Variants in SMAP2 observed in about 807,000 individuals in gnomAD.
SMAP2 encodes the protein small ArfGAP2, also known as stromal membrane-associated protein 2.
SMAP2 carries 25 observed loss-of-function variants against 56.4 expected under a neutral mutation model. That is an observed-to-expected ratio of 0.44 (90% CI 0.32 to 0.62). The LOEUF (loss-of-function observed/expected upper bound fraction) is 0.62. SMAP2 is among the 20% of genes least tolerant of loss of function. The pLI is 0.04. For synonymous variants in SMAP2, 157 were observed against 181.7 expected (o/e 0.86, Z 1.09); for missense variants, 388 against 545.6 (o/e 0.71, Z 2.88).
intron 1 of SMAP2, among the ~76,000 whole-genome samples, chr1:40,403,464 C>T (rs951506559): frequency 1.3e-5 from 2 of 152,016 alleles, no homozygotes; most frequent in African/African-American, 2.4e-5. Flanking sequence ...AAAATCACGC[C>T]GCTGCACTCC....
intron 1 of SMAP2, among the ~76,000 whole-genome samples, chr1:40,398,533 A>G (rs1307753021): frequency 3.3e-5 from 5 of 152,400 alleles, no homozygotes; most frequent in South Asian, 2.1e-4. Context: ...TGGTGATACC[A>G]TAATTCCTTA....
At chr1:40,399,701 CAAAA>C (rs35452622) in intron 1 of SMAP2, among the ~76,000 whole-genome samples, 1 of 116,454 alleles carries the variant, frequency 8.6e-6, no homozygotes. Flanking sequence ...GACCCTGTCT[CAAAA>C]AAAAAAAAAG....
rs1364539159 is a variant in SMAP2 at position 40,364,056 on chromosome 1, G to A, written c.55+1620G>A. On this transcript the variant is annotated intron_variant, in intron 2 of 6. Coordinates refer to the SMAP2 transcript ENST00000435168. ...CAGGTCATTCTATGAGTGTTATCTG[G>A]TATAGGTAAAGTGACTGGCCAGTGA... Among the ~76,000 whole-genome samples, 2 of 152,268 alleles carry A rather than the reference G, an allele frequency of 1.3e-5. 1 individual carries two copies. Among genetic ancestry groups the A allele is most frequent in the African/African-American group, 4.8e-5 (2 of 41,564 alleles).
chr1:40,407,483 C>G (rs1429061941), intron 2 of SMAP2, among the ~76,000 whole-genome samples: 15 of 151,900 alleles, frequency 9.9e-5, no homozygotes, highest in Admixed American at 9.8e-4. Flanking sequence ...GAGTGAGACC[C>G]TGTCTCAAAA....
Position 40,374,113 on chromosome 1 carries a change from C to T in SMAP2, c.-8C>T. On this transcript the variant is annotated 5_prime_UTR_variant, in exon 1 of 10. Transcript: ENST00000372718. The surrounding 1 kb of genome is among the most constrained non-coding windows in gnomAD (Gnocchi z 5.9). ...GCGTCGCCCTCTGCCCCCGCCGGCA[C>T]CCTGGCCATGACAGGCAAGTCGGTG... 6.2e-7 allele frequency: 1 copy of T among 1,609,288 alleles called. No homozygotes were observed. The highest frequency in any genetic ancestry group is 8.5e-7 in the Non-Finnish European group (1 of 1,177,650).
At chr1:40,412,663 G>C (rs953630613) in intron 4 of SMAP2, among the ~76,000 whole-genome samples, 2 of 152,160 alleles carry the variant, frequency 1.3e-5, no homozygotes, top group African/African-American at 4.8e-5. Flanking sequence ...ACTGATATGA[G>C]GGGAGACCTC....
chr1:40,360,884 T>G lies in SMAP2; in HGVS notation c.-82-1416T>G, dbSNP rs191320414. ...GTCTCACCACCCCAGGCCAAAGTGC[T>G]CTGGAGTTCTAAGTAAACTTCAAAG... On this transcript the variant is annotated intron_variant, in intron 1 of 6. Coordinates refer to the SMAP2 transcript ENST00000435168. Among the ~76,000 whole-genome samples the G allele has an allele frequency of 7.9e-4, 120 of 152,318 alleles. 1 individual carries two copies. In the East Asian group the frequency reaches 0.017, roughly 21 times the overall value.
chr1:40,347,588 C>T (rs1473069122), intron 1 of SMAP2, among the ~76,000 whole-genome samples: 9 of 151,576 alleles, frequency 5.9e-5, no homozygotes, highest in Non-Finnish European at 1.0e-4. Flanking sequence ...CTGCAACCTC[C>T]ACCTCCCAGG....
chr1:40,345,226 A>G (rs10889290), intron 1 of SMAP2, among the ~76,000 whole-genome samples: 129,471 of 151,784 alleles, frequency 0.85, 55,701 homozygotes, highest in African/African-American at 0.96. Context: ...CAACATAGCA[A>G]GCTCCATCTC....
At chr1:40,414,138 T>C (rs1294362250) in intron 5 of SMAP2, 21 bp from the exon 6 acceptor site, 1 of 1,612,520 alleles carries the variant, frequency 6.2e-7, no homozygotes, top group Non-Finnish European at 8.5e-7. Context: ...TATTTCTTGC[T>C]ATAACATATT....
chr1:40,384,926 G>C (rs1015416087), intron 1 of SMAP2, among the ~76,000 whole-genome samples: 1 of 152,132 alleles, frequency 6.6e-6, no homozygotes, highest in African/African-American at 2.4e-5. Context: ...TTTCACTGCT[G>C]TGTTTGACTA....
At chr1:40,363,563 A>C (rs191090009) in intron 2 of SMAP2, among the ~76,000 whole-genome samples, 9 of 152,342 alleles carry the variant, frequency 5.9e-5, no homozygotes, top group Non-Finnish European at 1.2e-4. Flanking sequence ...AGAAGACCTC[A>C]CCAATTGTCC....
chr1:40,388,245 C>T (rs961991268), intron 1 of SMAP2, among the ~76,000 whole-genome samples: 15 of 152,366 alleles, frequency 9.8e-5, no homozygotes, highest in African/African-American at 2.4e-4. Context: ...GGGCGCACAG[C>T]GCGGGACTGG....
At chr1:40,354,192 G>A (rs1644422373) in intron 1 of SMAP2, among the ~76,000 whole-genome samples, 1 of 152,062 alleles carries the variant, frequency 6.6e-6, no homozygotes, top group Admixed American at 6.6e-5. Flanking sequence ...TCTGTAGGAA[G>A]GGCACAAGCA....
chr1:40,349,266 T>C (rs892205268), intron 1 of SMAP2, among the ~76,000 whole-genome samples: 8 of 152,174 alleles, frequency 5.3e-5, no homozygotes, highest in Admixed American at 5.2e-4. Context: ...GGCCTGCTGT[T>C]CATAGTCAAT....
At chr1:40,393,251 A>G in intron 1 of SMAP2, 1 of 1,373,190 alleles carries the variant, frequency 7.3e-7, no homozygotes, top group Admixed American at 2.7e-5. Flanking sequence ...GCTTGAGCAT[A>G]GGAGATTGAG....
intron 1 of SMAP2, among the ~76,000 whole-genome samples, chr1:40,352,353 G>A (rs1160165699): frequency 6.6e-6 from 1 of 151,878 alleles, no homozygotes; most frequent in Admixed American, 6.6e-5. Flanking sequence ...CTCTCTAGCA[G>A]CTCAGAGTTC....
chr1:40,400,230 T>C (rs1644818722), intron 1 of SMAP2, among the ~76,000 whole-genome samples: 1 of 152,206 alleles, frequency 6.6e-6, no homozygotes, highest in Admixed American at 6.5e-5. Context: ...GAAAGAAGGC[T>C]GCTACCATAG....
chr1:40,411,086 T>C (rs1644931407), intron 4 of SMAP2, among the ~76,000 whole-genome samples: 1 of 152,200 alleles, frequency 6.6e-6, no homozygotes, highest in Non-Finnish European at 1.5e-5. Context: ...TATGAAGCTG[T>C]GTGAAAGGGG....
Sources: gnomAD v4.1 joint callset for allele counts (sites outside exome capture counted in the v4.1 genomes callset) on GRCh38, gnomAD v4.1.1 for gene constraint, Gnocchi (gnomAD v3.1) non-coding constraint, MANE v1.5 for transcripts, NCBI Gene and HGNC (gene_info 2026-07-23, HGNC 2026-07-21) for gene names.